RHEB: variants seen among roughly 807,000 people sequenced by gnomAD.
RHEB encodes the protein GTP-binding protein Rheb.
Under a neutral mutation model 28.8 loss-of-function variants are expected in RHEB, and 2 were observed. The ratio of observed to expected loss-of-function variants is 0.07; its 90% confidence interval spans 0.03 to 0.22. The LOEUF (loss-of-function observed/expected upper bound fraction) is 0.22, where lower values mean the gene tolerates loss of function less well. Among genes scored for constraint, RHEB ranks in the 10% least tolerant of loss-of-function variants. The pLI, the probability that RHEB is intolerant of heterozygous loss-of-function variation, is 1.00. For missense variants in RHEB, 76 were observed against 219.9 expected, an observed-to-expected ratio of 0.35 and a Z score of 4.14; for synonymous variants, 69 against 77.3, an observed-to-expected ratio of 0.89 and a Z score of 0.56.
rs539301480 is a variant in RHEB, at chr7:151,473,029, T to TG, written c.276-1425dup. ...AACAGCTGAAAGAACTAGGACTGTG[T>TG]GGCAGGCAGCTTGGAGCCGGCTCCC... is the stretch of plus-strand genomic sequence containing the variant. On this transcript the variant is annotated intron_variant, in intron 4 of 7. Transcript: ENST00000262187. Among the ~76,000 whole-genome samples, 40 of 152,356 alleles carry TG rather than the reference T, an allele frequency of 2.6e-4. No individual in the cohort carries two copies. The South Asian group carries it at 8.1e-3, about 31-fold the overall frequency.
At chr7:151,507,447 T>C (rs564643085) in intron 1 of RHEB, among the ~76,000 whole-genome samples, 1 of 152,324 alleles carries the variant, frequency 6.6e-6, no homozygotes, top group African/African-American at 2.4e-5. Context: ...ATGTTTACGA[T>C]TCTAATTGGA....
rs554537933 is a variant in RHEB at position 151,468,011 on chromosome 7, G to C, written c.463-800C>G. 6.6e-6 allele frequency among the ~76,000 whole-genome samples: 1 copy of C among 151,948 alleles called. No homozygotes were observed. The highest frequency in any genetic ancestry group is 2.4e-5 in the African/African-American group (1 of 41,358). On this transcript the variant is annotated intron_variant, in intron 7 of 7. Transcript: ENST00000262187. This position sits in a 1 kb window ranked among gnomAD's most constrained non-coding sequence, Gnocchi z 4.3. ...ACCAGGACAACAGGCCTGAGCCACC[G>C]TGACTCCCAGACCCTGTCCTTGAAA...
chr7:151,496,945 A>ATTT (rs1172246541), intron 1 of RHEB, among the ~76,000 whole-genome samples: 4 of 124,524 alleles, frequency 3.2e-5, no homozygotes, highest in African/African-American at 5.9e-5. Context: ...ACACTCGGCT[A>ATTT]TTTTTTTTTT....
chr7:151,486,823 G>A, intron 2 of RHEB, among the ~76,000 whole-genome samples: 1 of 152,114 alleles, frequency 6.6e-6, no homozygotes, highest in East Asian at 1.9e-4. Context: ...AGAACCAAAA[G>A]GATTTTCTGA....
chr7:151,500,727 T>A, intron 1 of RHEB, among the ~76,000 whole-genome samples: 1 of 152,276 alleles, frequency 6.6e-6, no homozygotes, highest in East Asian at 1.9e-4. Context: ...TTGGTTTGTA[T>A]CCTATAAAAA....
chr7:151,472,169 A>T lies in RHEB; in HGVS notation c.276-564T>A, dbSNP rs1802173127. 1 of 152,158 alleles carries T rather than the reference A, an allele frequency of 6.6e-6. No homozygotes were observed. The highest frequency in any genetic ancestry group is 2.4e-5 in the African/African-American group (1 of 41,402). 9.4% of individuals were successfully genotyped at this position (152,158 alleles called of 1,614,324 possible). On this transcript the variant is annotated intron_variant, in intron 4 of 7. Coordinates refer to ENST00000262187, the MANE Select transcript of RHEB (RefSeq NM_005614.4). The surrounding 1 kb of genome is among the most constrained non-coding windows in gnomAD (Gnocchi z 5.2). ...CACTGACTGCTGGCAAATGGCCACA[A>T]ATCATTTTCCACCCTCCCCCAAAAA...
intron 1 of RHEB, chr7:151,502,525 T>G: frequency 1.0e-6 from 1 of 1,004,892 alleles, no homozygotes; most frequent in Non-Finnish European, 1.6e-6. Flanking sequence ...ACGTTGACTT[T>G]GAATCTTTCA....
chr7:151,495,550 T>C (rs982074552), intron 1 of RHEB, among the ~76,000 whole-genome samples: 11 of 152,242 alleles, frequency 7.2e-5, no homozygotes, highest in Non-Finnish European at 2.9e-5. Context: ...TCAGGGGTGT[T>C]GACTCAATCT....
chr7:151,508,632 T>C (rs1485081727), intron 1 of RHEB, among the ~76,000 whole-genome samples: 1 of 136,494 alleles, frequency 7.3e-6, no homozygotes, highest in African/African-American at 2.6e-5. Flanking sequence ...GTTATATTTT[T>C]AGTTTTTTTT....
intron 1 of RHEB, among the ~76,000 whole-genome samples, chr7:151,513,899 A>C (rs909756590): frequency 1.3e-5 from 2 of 152,208 alleles, no homozygotes; most frequent in African/African-American, 4.8e-5. Context: ...GAAACTGGCA[A>C]TCTAGTCCTA....
chr7:151,517,049 T>C (rs553890876), intron 1 of RHEB, among the ~76,000 whole-genome samples: 2 of 152,190 alleles, frequency 1.3e-5, no homozygotes, highest in African/African-American at 2.4e-5. Context: ...CTACAAAATA[T>C]CCTGGCTCAT....
chr7:151,478,616 A>G (rs979566044), intron 3 of RHEB, among the ~76,000 whole-genome samples: 1 of 152,132 alleles, frequency 6.6e-6, no homozygotes, highest in African/African-American at 2.4e-5. Context: ...AATGGAGGAA[A>G]GAGCCCCCAG....
intron 7 of RHEB, among the ~76,000 whole-genome samples, 155 bp from the exon 8 acceptor site, chr7:151,467,366 CCCAGTAAGG>C (rs1802086023): frequency 6.6e-6 from 1 of 152,078 alleles, no homozygotes; most frequent in East Asian, 1.9e-4. Context: ...CCCCCCGACG[CCCAGTAAGG>C]CCACTGTCCA....
chr7:151,481,203 G>A (rs1363447795), intron 3 of RHEB, among the ~76,000 whole-genome samples: 1 of 150,104 alleles, frequency 6.7e-6, no homozygotes, highest in Non-Finnish European at 1.5e-5. Context: ...CCCTAAAATT[G>A]GGCAAAACCA....
chr7:151,503,088 C>T lies in RHEB; in HGVS notation c.53-12074G>A, dbSNP rs531161662. ...TTTGGCGTTGAAGATACACTAAAGA[C>T]TTTGGAAAAGGGAGCTGTAGAAATT... On this transcript the variant is annotated intron_variant, in intron 1 of 7. Coordinates refer to ENST00000262187, the MANE Select transcript of RHEB (RefSeq NM_005614.4). 42 of 802,544 alleles carry T rather than the reference C, an allele frequency of 5.2e-5. 1 individual carries two copies. In the Middle Eastern group the frequency reaches 6.8e-4, roughly 13 times the overall value. 49.7% of individuals were successfully genotyped at this position (802,544 alleles called of 1,614,324 possible). A position where few individuals can be genotyped will look rare whatever the true frequency, so the allele number is the denominator to read the frequency against.
chr7:151,510,708 C>G (rs1019589947), intron 1 of RHEB, among the ~76,000 whole-genome samples: 1 of 152,210 alleles, frequency 6.6e-6, no homozygotes, highest in Admixed American at 6.5e-5. Flanking sequence ...CTTCAACCAA[C>G]AGTTGCAGTG....
At chr7:151,515,609 T>C (rs1020461256) in intron 1 of RHEB, among the ~76,000 whole-genome samples, 3 of 152,224 alleles carry the variant, frequency 2.0e-5, no homozygotes, top group African/African-American at 7.2e-5. Flanking sequence ...ATATACAATT[T>C]CACATACTGG....
intron 1 of RHEB, chr7:151,502,065 G>A: frequency 2.5e-6 from 1 of 403,810 alleles, no homozygotes; most frequent in Non-Finnish European, 4.6e-6. Context: ...GTGAAACCCT[G>A]TCTCTACTAA....
chr7:151,490,484 T>G (rs1802561275), intron 2 of RHEB, among the ~76,000 whole-genome samples: 1 of 152,200 alleles, frequency 6.6e-6, no homozygotes, highest in Non-Finnish European at 1.5e-5. Flanking sequence ...CCAGAATAGT[T>G]CATTTCTCTT....
Sources: allele counts gnomAD v4.1 joint callset (sites outside exome capture counted in the v4.1 genomes callset), GRCh38; gene constraint gnomAD v4.1.1; non-coding constraint Gnocchi (gnomAD v3.1); transcripts MANE v1.5; gene names NCBI Gene and HGNC (gene_info 2026-07-23, HGNC 2026-07-21).